The following ZNF664 variants were observed in gnomAD, a reference collection of about 807,000 sequenced individuals.
ZNF664 encodes the protein zinc finger protein 664.
In ZNF664, 10 loss-of-function variants were observed where a neutral mutation model predicts 18.2. The ratio of observed to expected loss-of-function variants is 0.55; its 90% CI spans 0.34 to 0.93. The LOEUF (loss-of-function observed/expected upper bound fraction) is 0.93. Among genes scored for constraint, ZNF664 ranks in the 40% least tolerant of loss-of-function variants. The pLI is 0.02. For missense variants in ZNF664, 193 were observed against 319.0 expected (o/e 0.61, Z 3.01); for synonymous variants, 119 against 104.2 (o/e 1.14, Z -0.86).
chr12:123,989,007 T>G (rs1334910180), intron 3 of ZNF664, among the ~76,000 whole-genome samples: 1 of 152,162 alleles, frequency 6.6e-6, no homozygotes, highest in African/African-American at 2.4e-5. Context: ...CTTCTTGTCA[T>G]TTCCCCTGCT....
At chr12:123,977,269 A>G (rs1392938750) in intron 2 of ZNF664, among the ~76,000 whole-genome samples, 1 of 152,182 alleles carries the variant, frequency 6.6e-6, no homozygotes, top group African/African-American at 2.4e-5. Context: ...TGTTTTGACA[A>G]AGCGGTAATA....
rs1957168839 is a variant in ZNF664, at chr12:124,014,394, A to C, written c.*1464A>C. 6.0e-6 allele frequency: 1 copy of C among 167,066 alleles called. No homozygotes were observed. Among genetic ancestry groups the C allele is most frequent in the Non-Finnish European group, 1.5e-5 (1 of 68,146 alleles). 10.3% of individuals were successfully genotyped at this position (167,066 alleles called of 1,614,324 possible). On this transcript the variant is annotated 3_prime_UTR_variant, in exon 5 of 5. Coordinates refer to ENST00000337815, the MANE Select transcript of ZNF664 (RefSeq NM_152437.3). ...AGGTGGTCAGTATCCTGACTTTCAGAGGCCTTTTTTTGTTTGTTTTAATTT... is the reference window on the plus strand; with the variant it reads ...AGGTGGTCAGTATCCTGACTTTCAGCGGCCTTTTTTTGTTTGTTTTAATTT...
intron 2 of ZNF664, among the ~76,000 whole-genome samples, chr12:123,976,795 A>T (rs1183246783): frequency 6.6e-6 from 1 of 152,092 alleles, no homozygotes; most frequent in African/African-American, 2.4e-5. Flanking sequence ...TTAAAAAAAA[A>T]AAAGATCCTG....
intron 3 of ZNF664, among the ~76,000 whole-genome samples, chr12:124,001,879 G>A (rs1490892153): frequency 6.6e-6 from 1 of 152,232 alleles, no homozygotes; most frequent in African/African-American, 2.4e-5. Context: ...AAGACAAAGA[G>A]ATGAAGGAGT....
chr12:123,985,699 G>A (rs1020082306), intron 2 of ZNF664, among the ~76,000 whole-genome samples: 9 of 152,214 alleles, frequency 5.9e-5, no homozygotes, highest in Admixed American at 3.3e-4. Context: ...CAGGCGTACA[G>A]TTTAAGCATA....
At chr12:124,004,593 C>G (rs1205274567) in intron 3 of ZNF664, among the ~76,000 whole-genome samples, 1 of 152,186 alleles carries the variant, frequency 6.6e-6, no homozygotes, top group East Asian at 1.9e-4. Flanking sequence ...GGTCCCCAAC[C>G]TGTGGGCCAC....
At chr12:123,996,011 A>G (rs1956943828) in intron 3 of ZNF664, among the ~76,000 whole-genome samples, 1 of 152,152 alleles carries the variant, frequency 6.6e-6, no homozygotes, top group African/African-American at 2.4e-5. Flanking sequence ...AGGAAGTTAG[A>G]GTGCAGTTAG....
At chr12:123,987,229 A>G (rs1402137211) in intron 2 of ZNF664, among the ~76,000 whole-genome samples, 1 of 152,202 alleles carries the variant, frequency 6.6e-6, no homozygotes, top group African/African-American at 2.4e-5. Flanking sequence ...AAAAACATGT[A>G]AATGTCCCAT....
At chr12:123,990,563 A>G (rs1013005960) in intron 3 of ZNF664, among the ~76,000 whole-genome samples, 3 of 152,144 alleles carry the variant, frequency 2.0e-5, no homozygotes, top group African/African-American at 7.2e-5. Context: ...GGGCCTGAGC[A>G]TGAATTTTGT....
intron 3 of ZNF664, among the ~76,000 whole-genome samples, chr12:124,000,417 G>A (rs1411950383): frequency 6.6e-6 from 1 of 152,102 alleles, no homozygotes; most frequent in Non-Finnish European, 1.5e-5. Context: ...CATTCCTCTC[G>A]TGGAGCTTTG....
intron 2 of ZNF664, among the ~76,000 whole-genome samples, chr12:123,976,444 A>G (rs1274433747): frequency 6.6e-6 from 1 of 152,194 alleles, no homozygotes; most frequent in Non-Finnish European, 1.5e-5. Context: ...ATGAATGTGG[A>G]TAGACTATGG....
Position 124,013,174 on chromosome 12 carries a change from CCTGG to C in ZNF664, c.*245_*248del, listed in dbSNP as rs1332226250. 5.2e-5 allele frequency: 29 copies of C among 559,666 alleles called. 1 individual carries two copies. In the Admixed American group the frequency reaches 8.5e-4, roughly 16 times the overall value. 34.7% of individuals were successfully genotyped at this position (559,666 alleles called of 1,614,324 possible). On this transcript the variant is annotated 3_prime_UTR_variant, in exon 5 of 5. Transcript: ENST00000337815. ...CAGGTCCCAGTCACAGACGTCGCTTCCTGGGATTCCAGCACGATGCCTCCATAGT... is the reference window on the plus strand; with the variant it reads ...CAGGTCCCAGTCACAGACGTCGCTTCGATTCCAGCACGATGCCTCCATAGT...
intron 3 of ZNF664, among the ~76,000 whole-genome samples, chr12:124,010,008 C>G (rs1004225170): frequency 6.6e-6 from 1 of 151,846 alleles, no homozygotes; most frequent in Non-Finnish European, 1.5e-5. Flanking sequence ...AGTTCCCTAT[C>G]GATGGCCTTC....
chr12:123,973,949 C>G lies in ZNF664; in HGVS notation c.-828C>G, dbSNP rs980708767. The G allele has an allele frequency of 7.3e-6, 9 of 1,231,828 alleles. No individual in the cohort carries two copies. In the African/African-American group the frequency reaches 1.4e-4, roughly 19 times the overall value. 76.3% of individuals were successfully genotyped at this position (1,231,828 alleles called of 1,614,324 possible). On this transcript the variant is annotated 5_prime_UTR_variant, in exon 2 of 5. Transcript: ENST00000337815. ...CAGGTGATGAGGAACCCCTCGCGCA[C>G]CCAGCGCAGAAGGCTGCTGCCGCCG...
At chr12:123,995,505 G>T (rs1457280294) in intron 3 of ZNF664, among the ~76,000 whole-genome samples, 1 of 152,198 alleles carries the variant, frequency 6.6e-6, no homozygotes, top group African/African-American at 2.4e-5. Context: ...TTTACCATTT[G>T]TTCCTTAATA....
At chr12:123,987,248 A>G (rs1956836177) in intron 2 of ZNF664, among the ~76,000 whole-genome samples, 2 of 152,230 alleles carry the variant, frequency 1.3e-5, no homozygotes, top group Non-Finnish European at 2.9e-5. Context: ...ATCCACATGT[A>G]GATACGGCAG....
At chr12:123,989,954 G>A (rs1956870525) in intron 3 of ZNF664, among the ~76,000 whole-genome samples, 1 of 152,160 alleles carries the variant, frequency 6.6e-6, no homozygotes, top group African/African-American at 2.4e-5. Context: ...CTTGCACTTT[G>A]TGCTTCCTGA....
chr12:124,014,812 G>T lies in ZNF664; in HGVS notation c.*1882G>T, dbSNP rs948560773. Reference sequence around the variant, plus strand: ...TTTAAAAGGAGCACATGATTTAGTGGGTGGGCCATGAAACTAGAGATGGGA... The same window carrying T: ...TTTAAAAGGAGCACATGATTTAGTGTGTGGGCCATGAAACTAGAGATGGGA... On this transcript the variant is annotated 3_prime_UTR_variant, in exon 5 of 5. Coordinates refer to ENST00000337815, the MANE Select transcript of ZNF664 (RefSeq NM_152437.3). The T allele has an allele frequency of 9.6e-5, 16 of 165,936 alleles. No individual in the cohort carries two copies. The highest frequency in any genetic ancestry group is 1.8e-4 in the Non-Finnish European group (12 of 68,124). 10.3% of individuals were successfully genotyped at this position (165,936 alleles called of 1,614,324 possible).
chr12:124,000,945 G>A (rs1957004684), intron 3 of ZNF664, among the ~76,000 whole-genome samples: 1 of 152,110 alleles, frequency 6.6e-6, no homozygotes, highest in Non-Finnish European at 1.5e-5. Flanking sequence ...TCTTATCTCA[G>A]TGCCAGTTCC....
Sources: allele counts gnomAD v4.1 joint callset (sites outside exome capture counted in the v4.1 genomes callset), GRCh38; gene constraint gnomAD v4.1.1; transcripts MANE v1.5; gene names NCBI Gene and HGNC (gene_info 2026-07-23, HGNC 2026-07-21).